CCDC141: variants seen among roughly 807,000 people sequenced by gnomAD.
The protein encoded by CCDC141 is coiled-coil domain-containing protein 141.
In CCDC141, 168 loss-of-function variants were observed where a neutral mutation model predicts 181.0. The observed-to-expected ratio is 0.93, with a 90% CI of 0.82 to 1.05. The LOEUF (loss-of-function observed/expected upper bound fraction) is 1.05. Ranked by LOEUF, CCDC141 falls within the 50% of genes least tolerant of loss-of-function variation. CCDC141 has a pLI of 0.00. For synonymous variants in CCDC141, 666 were observed against 642.3 expected (o/e 1.04, Z -0.56); for missense variants, 1,902 against 1,788.5 (o/e 1.06, Z -1.14).
chr2:178,983,903 C>G (rs1332342008), intron 2 of CCDC141, among the ~76,000 whole-genome samples: 1 of 150,302 alleles, frequency 6.7e-6, no homozygotes, highest in Admixed American at 6.6e-5. Context: ...AGGATATTAT[C>G]CAGGAGAATT....
At chr2:179,040,712 T>A (rs1477624202) in intron 2 of CCDC141, among the ~76,000 whole-genome samples, 2 of 152,218 alleles carry the variant, frequency 1.3e-5, no homozygotes, top group Non-Finnish European at 2.9e-5. Flanking sequence ...AAGGACATGA[T>A]CTCATTCCTG....
At chr2:179,024,332 GTTTCT>G (rs1256474200) in intron 2 of CCDC141, among the ~76,000 whole-genome samples, 1 of 152,054 alleles carries the variant, frequency 6.6e-6, no homozygotes, top group Non-Finnish European at 1.5e-5. Flanking sequence ...TTTTTCGCAT[GTTTCT>G]TTTGTTATTA....
chr2:178,931,326 A>G (rs79702798), intron 6 of CCDC141, among the ~76,000 whole-genome samples: 1,659 of 152,290 alleles, frequency 0.011, 36 homozygotes, highest in African/African-American at 0.037. Flanking sequence ...CCTAGGTATT[A>G]CCCAAAAGAA....
At chr2:178,889,415 C>T (rs1273294000) in intron 8 of CCDC141, among the ~76,000 whole-genome samples, 2 of 152,116 alleles carry the variant, frequency 1.3e-5, no homozygotes, top group African/African-American at 2.4e-5. Flanking sequence ...AATTTTCCAA[C>T]CTATCCTTAA....
chr2:179,015,126 TA>T (rs2154384958), intron 2 of CCDC141, among the ~76,000 whole-genome samples: 1 of 102,402 alleles, frequency 9.8e-6, no homozygotes, highest in Admixed American at 9.6e-5. Context: ...ATCATATATA[TA>T]TATCATATCA....
At chr2:178,966,706 C>T (rs888115931) in intron 4 of CCDC141, among the ~76,000 whole-genome samples, 15 of 151,978 alleles carry the variant, frequency 9.9e-5, no homozygotes, top group African/African-American at 3.6e-4. Flanking sequence ...TCCAAAGGAT[C>T]AAAACTCCTC....
intron 2 of CCDC141, among the ~76,000 whole-genome samples, chr2:178,991,745 TTCA>T (rs1193797503): frequency 6.6e-6 from 1 of 152,044 alleles, no homozygotes; most frequent in Admixed American, 6.6e-5. Context: ...TTACCAAGAC[TTCA>T]TCATTATACA....
chr2:178,961,167 G>C, intron 5 of CCDC141, 63 bp downstream of exon 5: 2 of 1,513,122 alleles, frequency 1.3e-6, no homozygotes, highest in East Asian at 2.5e-5. Flanking sequence ...CCAGGGAATG[G>C]TTAATCCATA....
At chr2:179,030,161 A>G (rs1302647340) in intron 2 of CCDC141, among the ~76,000 whole-genome samples, 1 of 152,118 alleles carries the variant, frequency 6.6e-6, no homozygotes, top group Non-Finnish European at 1.5e-5. Flanking sequence ...ATCTACAACC[A>G]CAAATGAAAA....
At chr2:179,015,091 T>TATATATA (rs2042407161) in intron 2 of CCDC141, among the ~76,000 whole-genome samples, 1 of 42,032 alleles carries the variant, frequency 2.4e-5, no homozygotes, top group Admixed American at 2.2e-4. Context: ...TATATATATA[T>TATATATA]ATATATATAT....
chr2:178,834,013 T>G lies in CCDC141; in HGVS notation c.*160A>C. On this transcript the variant is annotated 3_prime_UTR_variant, in exon 24 of 24. Transcript: ENST00000443758. ...CAAATATATTAAACGCTCCAGAAAA[T>G]TTGATTATTTCACCTAGCAGTGGTA... 1 of 697,494 alleles carries G rather than the reference T, an allele frequency of 1.4e-6. No homozygotes were observed. The highest frequency in any genetic ancestry group is 2.3e-6 in the Non-Finnish European group (1 of 432,174). The allele number at this position is 697,494 out of a possible 1,614,324, so 43.2% of individuals were successfully genotyped here. A position where few individuals can be genotyped will look rare whatever the true frequency, so the allele number is the denominator to read the frequency against.
intron 2 of CCDC141, among the ~76,000 whole-genome samples, chr2:178,998,738 C>T (rs1354950547): frequency 2.0e-5 from 3 of 151,932 alleles, no homozygotes; most frequent in Admixed American, 6.6e-5. Context: ...ACTTTCTCTT[C>T]CTATTTTTAA....
intron 6 of CCDC141, among the ~76,000 whole-genome samples, chr2:178,925,771 G>T (rs1424645972): frequency 6.6e-6 from 1 of 151,926 alleles, no homozygotes; most frequent in Non-Finnish European, 1.5e-5. Flanking sequence ...AACACAATTT[G>T]CCTACAATCA....
intron 2 of CCDC141, among the ~76,000 whole-genome samples, chr2:179,045,241 C>T (rs1449106807): frequency 6.8e-6 from 1 of 146,682 alleles, no homozygotes; most frequent in African/African-American, 2.5e-5. Flanking sequence ...CAATTCCCAC[C>T]TATGAGTGAG....
At chr2:178,980,424 T>G (rs544167299) in intron 2 of CCDC141, among the ~76,000 whole-genome samples, 2 of 152,046 alleles carry the variant, frequency 1.3e-5, no homozygotes, top group South Asian at 4.2e-4. Context: ...CACTCCAGCC[T>G]GGGCAACAGA....
intron 1 of CCDC141, among the ~76,000 whole-genome samples, chr2:179,047,995 T>C (rs1484022491): frequency 1.3e-5 from 2 of 152,218 alleles, no homozygotes; most frequent in East Asian, 3.8e-4. Context: ...TTAAAGCGTG[T>C]AGGAAAATAT....
chr2:179,045,542 G>A (rs1575387669), intron 2 of CCDC141, among the ~76,000 whole-genome samples: 1 of 152,138 alleles, frequency 6.6e-6, no homozygotes, highest in East Asian at 1.9e-4. Context: ...TGGGATGGCT[G>A]GGTCAAATGG....
At chr2:178,974,687 T>G (rs1334673988) in intron 4 of CCDC141, among the ~76,000 whole-genome samples, 1 of 152,174 alleles carries the variant, frequency 6.6e-6, no homozygotes, top group African/African-American at 2.4e-5. Flanking sequence ...AGAAGGAACA[T>G]TCACTGAATT....
intron 22 of CCDC141, among the ~76,000 whole-genome samples, chr2:178,840,372 C>T (rs976867605): frequency 3.3e-5 from 5 of 152,212 alleles, no homozygotes; most frequent in Non-Finnish European, 7.3e-5. Flanking sequence ...CTATGACTCT[C>T]CACAGAAGAA....
Sources: gnomAD v4.1 joint callset for allele counts (sites outside exome capture counted in the v4.1 genomes callset) on GRCh38, gnomAD v4.1.1 for gene constraint, MANE v1.5 for transcripts, NCBI Gene and HGNC (gene_info 2026-07-23, HGNC 2026-07-21) for gene names.